The following IL20RB variants were observed in gnomAD, a reference collection of about 807,000 sequenced individuals.
IL20RB encodes the protein interleukin-20 receptor subunit beta.
A neutral mutation model predicts 33.3 loss-of-function variants in IL20RB; 21 were observed. The ratio of observed to expected loss-of-function variants is 0.63; its 90% CI spans 0.45 to 0.91. IL20RB has a LOEUF of 0.91. Ranked by LOEUF, IL20RB falls within the 40% of genes least tolerant of loss-of-function variation. The pLI is 0.00. For synonymous variants in IL20RB, 147 were observed against 146.8 expected (o/e 1.00, Z -0.01); for missense variants, 345 against 384.8 (o/e 0.90, Z 0.86).
chr3:136,999,622 C>T (rs928876320), intron 6 of IL20RB, among the ~76,000 whole-genome samples: 2 of 151,378 alleles, frequency 1.3e-5, no homozygotes, highest in East Asian at 3.9e-4. Flanking sequence ...TATATTAGAC[C>T]TTCAGATATT....
chr3:136,995,325 G>A lies in IL20RB; in HGVS notation c.683-89G>A, dbSNP rs191928806. ...TCTGCCGTCTTAGCCAATGTGCAGA[G>A]TCAACTCCAGGAAACCGGGGGAGGC... On this transcript the variant is annotated intron_variant, in intron 5 of 6. Transcript: ENST00000329582. The A allele has an allele frequency of 5.0e-5, 74 of 1,487,810 alleles. No homozygotes were observed. The South Asian group carries it at 5.9e-4, about 12-fold the overall frequency. The allele number at this position is 1,487,810 out of a possible 1,614,324, so 92.2% of individuals were successfully genotyped here.
intron 2 of IL20RB, 141 bp downstream of exon 2, chr3:136,980,733 G>A: frequency 1.3e-6 from 1 of 778,564 alleles, no homozygotes; most frequent in Non-Finnish European, 2.1e-6. Flanking sequence ...TGTCTGCATA[G>A]GCATTGAAAG....
At chr3:136,989,412 C>T in intron 3 of IL20RB, 29 bp from the exon 4 acceptor site, 1 of 1,612,544 alleles carries the variant, frequency 6.2e-7, no homozygotes, top group Non-Finnish European at 8.5e-7. Flanking sequence ...CTGGGGCTGG[C>T]TTTGACTCTC....
intron 6 of IL20RB, among the ~76,000 whole-genome samples, chr3:137,007,729 C>A (rs886634916): frequency 2.0e-5 from 3 of 152,210 alleles, no homozygotes; most frequent in African/African-American, 7.2e-5. Flanking sequence ...AATCCCCTGG[C>A]CCCTTGTGCT....
chr3:137,005,748 C>T (rs971186539), intron 6 of IL20RB, among the ~76,000 whole-genome samples: 3 of 152,160 alleles, frequency 2.0e-5, no homozygotes, highest in Non-Finnish European at 4.4e-5. Flanking sequence ...TTAATTGGGG[C>T]ATTTAGCCCT....
chr3:137,008,255 A>G (rs1253770433), intron 6 of IL20RB, among the ~76,000 whole-genome samples: 1 of 152,212 alleles, frequency 6.6e-6, no homozygotes, highest in Non-Finnish European at 1.5e-5. Flanking sequence ...GATGCCTCTG[A>G]GTCCACACAG....
intron 3 of IL20RB, among the ~76,000 whole-genome samples, chr3:136,983,560 T>C (rs1284940269): frequency 6.6e-6 from 1 of 152,104 alleles, no homozygotes; most frequent in Non-Finnish European, 1.5e-5. Context: ...ACATGGCTGA[T>C]TTAGAAAGGA....
chr3:136,988,491 G>C (rs894073485), intron 3 of IL20RB, among the ~76,000 whole-genome samples: 3 of 152,164 alleles, frequency 2.0e-5, no homozygotes, highest in African/African-American at 7.2e-5. Context: ...TGTAATCCCA[G>C]CACTTTGGGA....
At chr3:136,975,371 G>A (rs192264560) in intron 1 of IL20RB, among the ~76,000 whole-genome samples, 21 of 151,840 alleles carry the variant, frequency 1.4e-4, no homozygotes, top group Non-Finnish European at 2.4e-4. Context: ...ATGGAGTCTC[G>A]CTCTCTTGCC....
intron 1 of IL20RB, among the ~76,000 whole-genome samples, chr3:136,959,957 T>C (rs1238479935): frequency 6.6e-6 from 1 of 152,116 alleles, no homozygotes; most frequent in Non-Finnish European, 1.5e-5. Flanking sequence ...CAAATGTTAG[T>C]TATTATTATC....
intron 1 of IL20RB, among the ~76,000 whole-genome samples, chr3:136,971,856 G>T (rs1308715478): frequency 3.3e-5 from 5 of 152,202 alleles, no homozygotes; most frequent in African/African-American, 7.2e-5. Context: ...ATACCCAGTA[G>T]TGGGGTGGCT....
rs559303688 is a variant in IL20RB, at chr3:136,994,403, C to G, written c.683-1011C>G. ...TCATGTACCCCATAAATATATACAC[C>G]TACTATATACCTACAAAAATTAAAA... On this transcript the variant is annotated intron_variant, in intron 5 of 6. Coordinates refer to ENST00000329582, the MANE Select transcript of IL20RB (RefSeq NM_144717.4). Among the ~76,000 whole-genome samples, 18 of 152,242 alleles carry G rather than the reference C, an allele frequency of 1.2e-4. No individual in the cohort carries two copies. In the South Asian group the frequency reaches 3.7e-3, roughly 32 times the overall value.
At chr3:136,995,614 CTT>C in intron 6 of IL20RB, 58 bp downstream of exon 6, 1 of 1,543,492 alleles carries the variant, frequency 6.5e-7, no homozygotes, top group Non-Finnish European at 8.9e-7. Context: ...TAGTTTGGGC[CTT>C]AGCTGGGCAT....
rs73864651 is a variant in IL20RB at position 136,989,395 on chromosome 3, A to T, written c.407-46A>T. On this transcript the variant is annotated intron_variant, in intron 3 of 6. Coordinates refer to ENST00000329582, the MANE Select transcript of IL20RB (RefSeq NM_144717.4). ...CGGTCATTGTGTTCCAGGGAAATCAACCCTGTCTGGGGCTGGCTTTGACTC... is the reference window on the plus strand; with the variant it reads ...CGGTCATTGTGTTCCAGGGAAATCATCCCTGTCTGGGGCTGGCTTTGACTC... The T allele has an allele frequency of 4.1e-3, 6,628 of 1,609,688 alleles. 220 individuals are homozygous for T. The African/African-American group carries it at 0.072, about 17-fold the overall frequency.
chr3:136,974,710 T>G (rs1941574345), intron 1 of IL20RB, among the ~76,000 whole-genome samples: 1 of 152,222 alleles, frequency 6.6e-6, no homozygotes, highest in Non-Finnish European at 1.5e-5. Context: ...TAAATAGGCT[T>G]TTTAGTCCTT....
chr3:136,984,671 G>A (rs541347094), intron 3 of IL20RB, among the ~76,000 whole-genome samples: 1 of 151,938 alleles, frequency 6.6e-6, no homozygotes. Flanking sequence ...GATGGGGCAG[G>A]AATAGGACCA....
intron 1 of IL20RB, among the ~76,000 whole-genome samples, chr3:136,974,262 T>C (rs1028670003): frequency 6.6e-6 from 1 of 152,228 alleles, no homozygotes; most frequent in African/African-American, 2.4e-5. Flanking sequence ...GATTTCATAA[T>C]GGTAAATGTT....
intron 1 of IL20RB, among the ~76,000 whole-genome samples, chr3:136,979,104 C>G (rs919571350): frequency 6.6e-6 from 1 of 152,078 alleles, no homozygotes; most frequent in Non-Finnish European, 1.5e-5. Context: ...GGGACCATTC[C>G]TTGTCCTCCT....
intron 4 of IL20RB, among the ~76,000 whole-genome samples, chr3:136,991,402 G>A (rs113507456): frequency 2.4e-4 from 37 of 152,210 alleles, no homozygotes; most frequent in African/African-American, 7.0e-4. Flanking sequence ...TGTCCATTTT[G>A]TTCAATGCTA....
Sources: gnomAD v4.1 joint callset for allele counts (sites outside exome capture counted in the v4.1 genomes callset) on GRCh38, gnomAD v4.1.1 for gene constraint, MANE v1.5 for transcripts, NCBI Gene and HGNC (gene_info 2026-07-23, HGNC 2026-07-21) for gene names.